The following RNH1 variants were observed in gnomAD, a reference collection of about 807,000 sequenced individuals.
The protein encoded by RNH1 is ribonuclease inhibitor.
Under a neutral mutation model 46.1 loss-of-function variants are expected in RNH1, and 38 were observed. The ratio of observed to expected loss-of-function variants is 0.82; its 90% CI spans 0.64 to 1.08. RNH1 has a LOEUF of 1.08. RNH1 is among the 50% of genes least tolerant of loss of function. The pLI is 0.00. For missense variants in RNH1, 577 were observed against 590.7 expected, an observed-to-expected ratio of 0.98 and a Z score of 0.24; for synonymous variants, 319 against 279.1, an observed-to-expected ratio of 1.14 and a Z score of -1.43.
Position 502,069 on chromosome 11 carries a change from C to G in RNH1, c.94G>C (p.Val32Leu). 2 of 1,611,246 alleles carry G rather than the reference C, an allele frequency of 1.2e-6. No individual in the cohort carries two copies. Among genetic ancestry groups the G allele is most frequent in the Non-Finnish European group, 1.7e-6 (2 of 1,179,362 alleles). The change falls in exon 3 of 11, where the codon GTG becomes CTG. Residue 32 changes from valine (V) to leucine (L), a missense_variant. Coordinates refer to ENST00000354420, the MANE Select transcript of RNH1 (RefSeq NM_203387.3). The surrounding 1 kb of genome is among the most constrained non-coding windows in gnomAD (Gnocchi z 5.8). ...CCCCGAGAGCAAGCGTACCTGACCA[C>G]TTGGCACTGCTGGAGCAGAGGGAGG... ...ELLPLLQQCQ[V>L]VRLDDCGLTE...
In RNH1 at chr11:502,132, GGATGTCCAGGCTC is replaced by G; in HGVS notation, c.18_30del (p.Gln6HisfsTer6). The stretch of plus-strand genomic sequence containing the variant: ...CTAGCGTCGCTCAGCTCCTCACACT[GGATGTCCAGGCTC>G]TGGATGTCCAGGCTCATGGTGGAGG... On this transcript the variant is annotated frameshift_variant, in exon 3 of 11. Coordinates refer to ENST00000354420, the MANE Select transcript of RNH1 (RefSeq NM_203387.3). LOFTEE classifies it high-confidence loss of function. The surrounding 1 kb of genome is among the most constrained non-coding windows in gnomAD (Gnocchi z 5.8). 1 of 1,252,064 alleles carries G rather than the reference GGATGTCCAGGCTC, an allele frequency of 8.0e-7. No individual in the cohort carries two copies. The highest frequency in any genetic ancestry group is 1.1e-6 in the Non-Finnish European group (1 of 884,528). 77.6% of individuals were successfully genotyped at this position (1,252,064 alleles called of 1,614,324 possible). A position where few individuals can be genotyped will look rare whatever the true frequency, so the allele number is the denominator to read the frequency against.
intron 5 of RNH1, 84 bp downstream of exon 5, chr11:499,744 TC>T (rs2133898580): frequency 6.5e-7 from 1 of 1,529,072 alleles, no homozygotes; most frequent in South Asian, 1.2e-5. Flanking sequence ...TCCTCACGGC[TC>T]CTGGCAGGCG....
At position 498,953 on chromosome 11, in the gene RNH1, G is replaced by GT. The variant is rs767312062; in HGVS notation, c.615-21dup. ...TCCAGCCTGGGGACACGGGTCACAC[G>GT]TGAGGCAGCACGGGACCCCCCCTAG... is the stretch of plus-strand genomic sequence containing the variant. On this transcript the variant is annotated intron_variant, in intron 6 of 10. Transcript: ENST00000354420. The GT allele has an allele frequency of 3.7e-5, 60 of 1,611,744 alleles. No individual in the cohort carries two copies. The Admixed American group carries it at 9.7e-4, about 26-fold the overall frequency.
intron 9 of RNH1, among the ~76,000 whole-genome samples, chr11:495,529 A>G (rs1453858161): frequency 1.3e-5 from 2 of 152,168 alleles, no homozygotes; most frequent in African/African-American, 4.8e-5. Context: ...TGGGATAGAG[A>G]AGACCCAACA....
rs765520220 is a variant in RNH1, at chr11:502,353, G to A, written c.-87-104C>T. 2.0e-5 allele frequency: 12 copies of A among 614,652 alleles called. No individual in the cohort carries two copies. Among genetic ancestry groups the A allele is most frequent in the Non-Finnish European group, 3.2e-5 (11 of 341,510 alleles). The allele number at this position is 614,652 out of a possible 1,614,324, so 38.1% of individuals were successfully genotyped here. A position where few individuals can be genotyped will look rare whatever the true frequency, so the allele number is the denominator to read the frequency against. On this transcript the variant is annotated intron_variant, in intron 2 of 10. Coordinates refer to ENST00000354420, the MANE Select transcript of RNH1 (RefSeq NM_203387.3). This position sits in a 1 kb window ranked among gnomAD's most constrained non-coding sequence, Gnocchi z 5.8. ...CCTCCCCACCTTTGTCTCTGGAGCA[G>A]ACATCAGGGGTGGGGCAGGGGGCAG...
rs956675914 is a variant in RNH1 at position 499,143 on chromosome 11, C to G, written c.486G>C (p.Leu162=). 1.2e-6 allele frequency: 2 copies of G among 1,612,986 alleles called. No individual in the cohort carries two copies. Among genetic ancestry groups the G allele is most frequent in the African/African-American group, 2.7e-5 (2 of 74,938 alleles). The change falls in exon 6 of 11, where the codon CTG becomes CTC. Residue 162 remains leucine, a synonymous_variant. Transcript: ENST00000354420. ...CCGGCTTGGCCCTGAGCACGGAGGC[C>G]AGGGGCTCGCAGCTGGCAGCCGAGA... ...CSLSAASCEP[L]ASVLRAKPDF... is the part of the protein sequence containing the mutation.
At chr11:500,829 T>C in intron 3 of RNH1, 175 bp from the exon 4 acceptor site, 1 of 826,438 alleles carries the variant, frequency 1.2e-6, no homozygotes, top group Non-Finnish European at 2.0e-6. Flanking sequence ...GAAAGTTTTG[T>C]TTAAGATGCT....
Position 498,888 on chromosome 11 carries a change from GCA to G in RNH1, c.658_659del (p.Cys220ArgfsTer21). 6.2e-7 allele frequency: 1 copy of G among 1,612,532 alleles called. No individual in the cohort carries two copies. The highest frequency in any genetic ancestry group is 2.2e-5 in the East Asian group (1 of 44,870). ...GCGAGGCCTTGGAGGCCACAATGCC[GCA>G]CAGGTCCCGGCAGTTGTCTGATGTC... is the stretch of plus-strand genomic sequence containing the variant. The part of the protein sequence containing the change: ...GVTSDNCRDL[C>X]GIVASKASLR... On this transcript the variant is annotated frameshift_variant, in exon 7 of 11. Transcript: ENST00000354420. LOFTEE classifies it high-confidence loss of function.
Position 498,154 on chromosome 11 carries a change from A to G in RNH1, c.957-13T>C. On this transcript the variant is annotated splice_polypyrimidine_tract_variant and intron_variant, in intron 8 of 10. Coordinates refer to ENST00000354420, the MANE Select transcript of RNH1 (RefSeq NM_203387.3). ...GCAGGACTTCACCCTGTGGACACAG[A>G]CAGGACTGACGCCTGGCAGGGGCCC... 1 of 1,609,160 alleles carries G rather than the reference A, an allele frequency of 6.2e-7. No individual in the cohort carries two copies. The highest frequency in any genetic ancestry group is 8.5e-7 in the Non-Finnish European group (1 of 1,177,534).
chr11:496,073 CA>C (rs1255025907), intron 9 of RNH1, among the ~76,000 whole-genome samples: 1 of 151,682 alleles, frequency 6.6e-6, no homozygotes, highest in Non-Finnish European at 1.5e-5. Context: ...ATGGGCACAC[CA>C]AAAAAGAAAC....
Position 498,690 on chromosome 11 carries a change from G to T in RNH1, c.786-63C>A, listed in dbSNP as rs562227953. ...CGTCTCATGGCCTGAGATGAGCCCA[G>T]GGGCGGGGGAGAGCTCTGAGGACGG... On this transcript the variant is annotated intron_variant, in intron 7 of 10. Coordinates refer to ENST00000354420, the MANE Select transcript of RNH1 (RefSeq NM_203387.3). 2,859 of 1,599,524 alleles carry T rather than the reference G, an allele frequency of 1.8e-3. 1 individual carries two copies. Among genetic ancestry groups the T allele is most frequent in the Middle Eastern group, 2.2e-3 (13 of 6,026 alleles).
intron 5 of RNH1, 75 bp from the exon 6 acceptor site, chr11:499,260 G>T: frequency 6.6e-7 from 1 of 1,522,542 alleles, no homozygotes; most frequent in Non-Finnish European, 8.9e-7. Flanking sequence ...AGCACGGGGT[G>T]TGCTGGTGTC....
rs1343085821 is a variant in RNH1, at chr11:501,407, G to C, written c.101+655C>G. ...CAGTCACAGACGGGAGAGGGCTAAG[G>C]AGACAGAGGGCTGAGGGCCACGCAA... On this transcript the variant is annotated intron_variant, in intron 3 of 10. Coordinates refer to ENST00000354420, the MANE Select transcript of RNH1 (RefSeq NM_203387.3). This position sits in a 1 kb window ranked among gnomAD's most constrained non-coding sequence, Gnocchi z 4.1. 1.2e-5 allele frequency: 2 copies of C among 161,904 alleles called. No homozygotes were observed. Among genetic ancestry groups the C allele is most frequent in the African/African-American group, 4.8e-5 (2 of 41,452 alleles). 10.0% of individuals were successfully genotyped at this position (161,904 alleles called of 1,614,324 possible).
Position 502,087 on chromosome 11 carries a change from G to C in RNH1, c.76C>G (p.Leu26Val). The change falls in exon 3 of 11, where the codon CTG becomes GTG. Residue 26 changes from leucine to valine, a missense_variant. Leu to Val is a conservative substitution (Grantham distance 32). Transcript: ENST00000354420. The surrounding 1 kb of genome is among the most constrained non-coding windows in gnomAD (Gnocchi z 5.8). Reference sequence around the variant, plus strand: ...CTGACCACTTGGCACTGCTGGAGCAGAGGGAGGAGCTCGGCCCATCTAGCG... The same window carrying C: ...CTGACCACTTGGCACTGCTGGAGCACAGGGAGGAGCTCGGCCCATCTAGCG... ...SDARWAELLPLLQQCQVVRLD... is the reference protein window; with the variant it reads ...SDARWAELLPVLQQCQVVRLD... 1 of 1,612,156 alleles carries C rather than the reference G, an allele frequency of 6.2e-7. No individual in the cohort carries two copies. Among genetic ancestry groups the C allele is most frequent in the Non-Finnish European group, 8.5e-7 (1 of 1,179,570 alleles).
rs1849836422 is a variant in RNH1, at chr11:502,501, G to A, written c.-87-252C>T. 1 of 396,936 alleles carries A rather than the reference G, an allele frequency of 2.5e-6. No homozygotes were observed. The highest frequency in any genetic ancestry group is 4.7e-6 in the Non-Finnish European group (1 of 210,786). The allele number at this position is 396,936 out of a possible 1,614,324, so 24.6% of individuals were successfully genotyped here. On this transcript the variant is annotated intron_variant, in intron 2 of 10. Coordinates refer to ENST00000354420, the MANE Select transcript of RNH1 (RefSeq NM_203387.3). This position sits in a 1 kb window ranked among gnomAD's most constrained non-coding sequence, Gnocchi z 5.8. ...GGGCACCTCCTCCTGCCCCACAGAG[G>A]GCGGGACAGCAGCAGCCCGGGAAGC...
chr11:500,749 G>C, intron 3 of RNH1, 95 bp from the exon 4 acceptor site: 1 of 1,321,892 alleles, frequency 7.6e-7, no homozygotes, highest in Non-Finnish European at 1.1e-6. Context: ...CTATCAGTGG[G>C]CCCAGAAGAC....
In RNH1 at chr11:499,336, C is replaced by T. The variant is rs995231135; in HGVS notation, c.444-151G>A. 1.0e-5 allele frequency: 8 copies of T among 803,202 alleles called. No individual in the cohort carries two copies. In the South Asian group the frequency reaches 1.3e-4, roughly 13 times the overall value. 49.8% of individuals were successfully genotyped at this position (803,202 alleles called of 1,614,324 possible). A position where few individuals can be genotyped will look rare whatever the true frequency, so the allele number is the denominator to read the frequency against. The stretch of plus-strand genomic sequence containing the variant: ...TGCTGAGGGACCCCCACAGACTCAT[C>T]CAGAGGCCCGGGCCTCTGTGGACAC... On this transcript the variant is annotated intron_variant, in intron 5 of 10. Transcript: ENST00000354420.
At chr11:503,692 C>T (rs1001409812) in intron 2 of RNH1, 1 of 152,280 alleles carries the variant, frequency 6.6e-6, no homozygotes, top group South Asian at 2.1e-4. Context: ...CAGCCTGACA[C>T]TCCTGTGTCC....
chr11:497,286 C>T (rs554497320), intron 9 of RNH1, among the ~76,000 whole-genome samples: 90 of 151,278 alleles, frequency 5.9e-4, no homozygotes, highest in Non-Finnish European at 9.9e-4. Context: ...CACGGACACT[C>T]GTGCTCATTC....
Sources: allele counts gnomAD v4.1 joint callset (sites outside exome capture counted in the v4.1 genomes callset), GRCh38; gene constraint gnomAD v4.1.1; non-coding constraint Gnocchi (gnomAD v3.1); transcripts MANE v1.5; gene names NCBI Gene and HGNC (gene_info 2026-07-23, HGNC 2026-07-21).